The following GSN variants were observed in gnomAD, a reference collection of about 807,000 sequenced individuals.
GSN encodes the protein actin-depolymerizing factor.
A neutral mutation model predicts 85.7 loss-of-function variants in GSN; 56 were observed. The observed-to-expected ratio is 0.65, with a 90% CI of 0.53 to 0.82. The LOEUF is 0.82. Ranked by LOEUF, GSN falls within the 40% of genes least tolerant of loss-of-function variation. The probability of loss-of-function intolerance (pLI) is 0.00; values close to 1 mark genes in which losing one functional copy is unlikely to be tolerated. For missense variants in GSN, 857 were observed against 979.8 expected (o/e 0.87, Z 1.67); for synonymous variants, 373 against 399.1 (o/e 0.93, Z 0.78).
At chr9:121,273,392 C>T (rs910944740) in intron 1 of GSN, among the ~76,000 whole-genome samples, 11 of 152,106 alleles carry the variant, frequency 7.2e-5, no homozygotes, top group African/African-American at 2.2e-4. Flanking sequence ...TAAGTAAATA[C>T]TAGTTAACTT....
At chr9:121,224,187 C>G (rs995309428) in intron 4 of GSN, among the ~76,000 whole-genome samples, 1 of 151,252 alleles carries the variant, frequency 6.6e-6, no homozygotes. Flanking sequence ...ACCTCCGCCT[C>G]CCATGTTCAC....
At chr9:121,287,680 G>A (rs1265997305) in intron 2 of GSN, among the ~76,000 whole-genome samples, 1 of 77,880 alleles carries the variant, frequency 1.3e-5, no homozygotes, top group African/African-American at 5.0e-5. Context: ...GAAGCGTGTG[G>A]GCTTTTTTTT....
chr9:121,289,940 G>C (rs2058527670), intron 2 of GSN, among the ~76,000 whole-genome samples: 1 of 152,238 alleles, frequency 6.6e-6, no homozygotes, highest in Non-Finnish European at 1.5e-5. Context: ...CCAGTGCAGA[G>C]AGAGTTTAAG....
At chr9:121,254,642 T>C (rs1051392949) in intron 6 of GSN, among the ~76,000 whole-genome samples, 26 of 152,310 alleles carry the variant, frequency 1.7e-4, no homozygotes, top group African/African-American at 5.8e-4. Flanking sequence ...AAAGAGCAAT[T>C]TTCTCCCAAA....
intron 2 of GSN, among the ~76,000 whole-genome samples, chr9:121,291,275 G>T (rs1258287387): frequency 6.6e-6 from 1 of 152,098 alleles, no homozygotes; most frequent in East Asian, 1.9e-4. Flanking sequence ...TATGTAGGTT[G>T]TATGCAAATA....
rs1017414923 is a variant in GSN, at chr9:121,279,110, G to A, written c.-102-2360G>A. ...TAGACTATTACAGTAGAGTGTGACC[G>A]GGCAGATTAGGGGGTGTGGAGGTCT... On this transcript the variant is annotated intron_variant, in intron 1 of 17. Transcript: ENST00000432226. 2.0e-5 allele frequency among the ~76,000 whole-genome samples: 3 copies of A among 152,136 alleles called. No homozygotes were observed. In the South Asian group the frequency reaches 6.2e-4, roughly 32 times the overall value.
chr9:121,327,059 C>A (rs1564592993), intron 13 of GSN: 4 of 681,676 alleles, frequency 5.9e-6, no homozygotes, highest in Non-Finnish European at 5.4e-6. Flanking sequence ...CTCCTTTGTT[C>A]TGGGCATTCA....
chr9:121,286,041 T>C (rs1037453722), intron 2 of GSN: 2 of 1,386,398 alleles, frequency 1.4e-6, no homozygotes, highest in African/African-American at 1.4e-5. Context: ...GGAGTTGGCT[T>C]GGCACAGCTA....
rs150436020 is a variant in GSN at position 121,261,019 on chromosome 9, C to T, written c.-340-4135C>T. Among the ~76,000 whole-genome samples, 112 of 152,236 alleles carry T rather than the reference C, an allele frequency of 7.4e-4. No homozygotes were observed. Among genetic ancestry groups the T allele is most frequent in the African/African-American group, 2.5e-3 (105 of 41,528 alleles). ...CTAAGAAGGTAATGCATTGCTGGCC[C>T]GATTGTGTTTCAACTCCAAGAAACA... On this transcript the variant is annotated intron_variant, in intron 6 of 24. Transcript: ENST00000373823. This position sits in a 1 kb window ranked among gnomAD's most constrained non-coding sequence, Gnocchi z 4.1.
intron 4 of GSN, among the ~76,000 whole-genome samples, chr9:121,221,798 C>T (rs957029221): frequency 1.3e-5 from 2 of 152,208 alleles, no homozygotes; most frequent in African/African-American, 4.8e-5. Context: ...CTAGCCAGAG[C>T]TGAGGCCCAG....
intron 5 of GSN, chr9:121,238,758 C>T (rs777132544): frequency 2.5e-5 from 12 of 476,020 alleles, no homozygotes; most frequent in Non-Finnish European, 3.8e-5. Context: ...TTCATGAGGA[C>T]CCTGAAAAAT....
At chr9:121,206,124 C>G (rs1205168319), upstream of GSN, among the ~76,000 whole-genome samples, 1 of 151,880 alleles carries the variant, frequency 6.6e-6, no homozygotes, top group Non-Finnish European at 1.5e-5. Flanking sequence ...AATTTGTACT[C>G]TAAATTTTAT....
In GSN at chr9:121,302,281, C is replaced by T. The variant is rs1198955568; in HGVS notation, c.196+114C>T. 1.2e-5 allele frequency: 14 copies of T among 1,212,480 alleles called. No individual in the cohort carries two copies. In the East Asian group the frequency reaches 3.3e-4, roughly 29 times the overall value. 75.1% of individuals were successfully genotyped at this position (1,212,480 alleles called of 1,614,324 possible). On this transcript the variant is annotated intron_variant, in intron 3 of 17. Coordinates refer to ENST00000432226, the MANE Select transcript of GSN (RefSeq NM_198252.3). ...TATTGAGCACCTAGTATGTGCTGGGCCCTTGACTGGTGGTTCATGCCCTGA... is the reference window on the plus strand; with the variant it reads ...TATTGAGCACCTAGTATGTGCTGGGTCCTTGACTGGTGGTTCATGCCCTGA...
chr9:121,309,819 G>T (rs1311671140), intron 4 of GSN: 1 of 151,546 alleles, frequency 6.6e-6, no homozygotes, highest in African/African-American at 2.4e-5. Flanking sequence ...TAAGTAAGCT[G>T]GGCACTGTGG....
intron 2 of GSN, chr9:121,286,843 T>A: frequency 8.6e-7 from 1 of 1,162,458 alleles, no homozygotes; most frequent in Non-Finnish European, 1.2e-6. Context: ...CCTAATGGTG[T>A]AACCTTGGGC....
At chr9:121,206,371 T>C (rs2053881866), upstream of GSN, among the ~76,000 whole-genome samples, 1 of 152,138 alleles carries the variant, frequency 6.6e-6, no homozygotes, top group African/African-American at 2.4e-5. Flanking sequence ...ATCAAGGGCA[T>C]GAGACTCATT....
At chr9:121,285,688 G>C (rs557083545) in intron 2 of GSN, among the ~76,000 whole-genome samples, 1 of 152,102 alleles carries the variant, frequency 6.6e-6, no homozygotes, top group African/African-American at 2.4e-5. Flanking sequence ...ATTTCTCCCT[G>C]CTCACATGTT....
At chr9:121,230,426 G>A (rs2054365059) in intron 4 of GSN, among the ~76,000 whole-genome samples, 1 of 152,216 alleles carries the variant, frequency 6.6e-6, no homozygotes, top group African/African-American at 2.4e-5. Context: ...TGCGCACAGA[G>A]CTTGCCTAAT....
intron 4 of GSN, among the ~76,000 whole-genome samples, chr9:121,307,732 A>G (rs2060567755): frequency 6.6e-6 from 1 of 152,178 alleles, no homozygotes; most frequent in Non-Finnish European, 1.5e-5. Flanking sequence ...TGCTTGTTTC[A>G]GGTAAGCACA....
Sources: allele counts gnomAD v4.1 joint callset (sites outside exome capture counted in the v4.1 genomes callset), GRCh38; gene constraint gnomAD v4.1.1; non-coding constraint Gnocchi (gnomAD v3.1); transcripts MANE v1.5; gene names NCBI Gene and HGNC (gene_info 2026-07-23, HGNC 2026-07-21).